NKAIN3: variants seen among roughly 807,000 people sequenced by gnomAD.
The protein encoded by NKAIN3 is sodium/potassium-transporting ATPase subunit beta-1-interacting protein 3.
NKAIN3 carries 25 observed loss-of-function variants against 30.2 expected under a neutral mutation model. The ratio of observed to expected loss-of-function variants is 0.83; its 90% CI spans 0.60 to 1.16. The LOEUF is 1.16. Ranked by LOEUF, NKAIN3 falls within the 50% of genes most tolerant of loss-of-function variation. NKAIN3 has a pLI of 0.00. For synonymous variants in NKAIN3, 91 were observed against 89.6 expected, an observed-to-expected ratio of 1.02 and a Z score of -0.09; for missense variants, 225 against 254.1, an observed-to-expected ratio of 0.89 and a Z score of 0.78.
chr8:62,925,531 A>G (rs1459537271), intron 5 of NKAIN3, among the ~76,000 whole-genome samples: 1 of 152,234 alleles, frequency 6.6e-6, no homozygotes, highest in Non-Finnish European at 1.5e-5. Context: ...ACTTGAGACC[A>G]GCAAGCAGAC....
At chr8:62,273,477 T>C (rs1356947681) in intron 1 of NKAIN3, among the ~76,000 whole-genome samples, 1 of 152,164 alleles carries the variant, frequency 6.6e-6, no homozygotes. Flanking sequence ...AGTGATACAA[T>C]TGATAAACAT....
At chr8:62,383,863 G>T (rs1440119160) in intron 1 of NKAIN3, among the ~76,000 whole-genome samples, 1 of 148,318 alleles carries the variant, frequency 6.7e-6, no homozygotes, top group East Asian at 2.1e-4. Context: ...TAGCTACAGT[G>T]ACAATTTCAT....
At chr8:62,405,995 A>G (rs1293010796) in intron 1 of NKAIN3, among the ~76,000 whole-genome samples, 1 of 152,176 alleles carries the variant, frequency 6.6e-6, no homozygotes, top group East Asian at 1.9e-4. Flanking sequence ...GAAATTTATG[A>G]GTCTCCTTTC....
At chr8:62,253,328 C>G (rs1812168124) in intron 1 of NKAIN3, among the ~76,000 whole-genome samples, 3 of 152,174 alleles carry the variant, frequency 2.0e-5, no homozygotes, top group Admixed American at 1.3e-4. Context: ...GTAATCCTAG[C>G]ACTTTGGGAA....
At chr8:62,763,448 G>A (rs1319894550) in intron 4 of NKAIN3, among the ~76,000 whole-genome samples, 1 of 152,064 alleles carries the variant, frequency 6.6e-6, no homozygotes, top group African/African-American at 2.4e-5. Context: ...CTACAGGGAA[G>A]TGGTATTCTT....
intron 1 of NKAIN3, among the ~76,000 whole-genome samples, chr8:62,402,578 A>T (rs748586072): frequency 5.9e-5 from 9 of 152,172 alleles, no homozygotes; most frequent in Non-Finnish European, 1.2e-4. Context: ...GGGTTTTATA[A>T]GAGGCTTTTC....
intron 4 of NKAIN3, among the ~76,000 whole-genome samples, chr8:62,772,219 A>G (rs1817036815): frequency 6.6e-6 from 1 of 152,088 alleles, no homozygotes; most frequent in African/African-American, 2.4e-5. Context: ...GGTTCCATCT[A>G]TGTTGTTGCA....
chr8:62,363,085 A>G (rs1816617148), intron 1 of NKAIN3, among the ~76,000 whole-genome samples: 1 of 152,230 alleles, frequency 6.6e-6, no homozygotes, highest in Non-Finnish European at 1.5e-5. Flanking sequence ...TTCTCAGTCC[A>G]TACTTAAGTT....
intron 5 of NKAIN3, among the ~76,000 whole-genome samples, chr8:62,931,222 A>G (rs1822611729): frequency 6.6e-6 from 1 of 152,242 alleles, no homozygotes; most frequent in African/African-American, 2.4e-5. Flanking sequence ...AAGCTCATTC[A>G]TAAATTAAAT....
At chr8:62,594,822 C>A (rs1360576035) in intron 3 of NKAIN3, among the ~76,000 whole-genome samples, 1 of 150,742 alleles carries the variant, frequency 6.6e-6, no homozygotes, top group East Asian at 2.0e-4. Flanking sequence ...CCCTCCCTTC[C>A]TTCCTTCATT....
intron 3 of NKAIN3, among the ~76,000 whole-genome samples, chr8:62,598,564 C>T (rs1383900873): frequency 6.6e-6 from 1 of 152,062 alleles, no homozygotes; most frequent in Non-Finnish European, 1.5e-5. Context: ...AGAGGAAGTT[C>T]TTAACCACGT....
At chr8:62,627,284 T>C (rs1811820969) in intron 3 of NKAIN3, among the ~76,000 whole-genome samples, 1 of 152,158 alleles carries the variant, frequency 6.6e-6, no homozygotes, top group Non-Finnish European at 1.5e-5. Flanking sequence ...AATAGTGCCC[T>C]GTGCAAATGC....
intron 4 of NKAIN3, among the ~76,000 whole-genome samples, chr8:62,779,272 C>A (rs1817281623): frequency 6.6e-6 from 1 of 152,130 alleles, no homozygotes; most frequent in Non-Finnish European, 1.5e-5. Context: ...GTCCACACAG[C>A]ACTAAAGCTT....
chr8:62,449,799 A>G (rs1369304165), intron 1 of NKAIN3, among the ~76,000 whole-genome samples: 1 of 152,128 alleles, frequency 6.6e-6, no homozygotes, highest in Non-Finnish European at 1.5e-5. Context: ...GGAATTTCAT[A>G]CATTACACTT....
chr8:62,342,602 G>A (rs1661585607), intron 1 of NKAIN3, among the ~76,000 whole-genome samples: 1 of 152,072 alleles, frequency 6.6e-6, no homozygotes, highest in South Asian at 2.1e-4. Flanking sequence ...TGAGACTCCT[G>A]CACAAAGGAA....
chr8:62,295,021 G>A (rs1287441962), intron 1 of NKAIN3, among the ~76,000 whole-genome samples: 2 of 152,078 alleles, frequency 1.3e-5, no homozygotes, highest in Non-Finnish European at 2.9e-5. Context: ...ATGGATACTT[G>A]GATCATTTTT....
At chr8:62,963,416 C>T (rs1157575997) in intron 6 of NKAIN3, among the ~76,000 whole-genome samples, 2 of 152,046 alleles carry the variant, frequency 1.3e-5, no homozygotes, top group Non-Finnish European at 2.9e-5. Context: ...GTTGCTAAAG[C>T]CCAGAAGCAG....
intron 3 of NKAIN3, among the ~76,000 whole-genome samples, chr8:62,675,803 T>C (rs1813457795): frequency 6.6e-6 from 1 of 152,238 alleles, no homozygotes; most frequent in African/African-American, 2.4e-5. Flanking sequence ...CAAATCTACC[T>C]GCCATCATAG....
chr8:62,795,241 A>C (rs1817825458), intron 4 of NKAIN3, among the ~76,000 whole-genome samples: 1 of 152,206 alleles, frequency 6.6e-6, no homozygotes. Flanking sequence ...CTTCTCTTAC[A>C]AATGTAACAC....
Sources: gnomAD v4.1 joint callset for allele counts (sites outside exome capture counted in the v4.1 genomes callset) on GRCh38, gnomAD v4.1.1 for gene constraint, MANE v1.5 for transcripts, NCBI Gene and HGNC (gene_info 2026-07-23, HGNC 2026-07-21) for gene names.